PCDH12: variants seen among roughly 807,000 people sequenced by gnomAD.
PCDH12 encodes protocadherin-12.
PCDH12 carries 45 observed loss-of-function variants against 70.9 expected under a neutral mutation model. That is an observed-to-expected ratio of 0.63 (90% CI 0.50 to 0.81). The LOEUF is 0.81. PCDH12 is among the 40% of genes least tolerant of loss of function. The pLI, the probability that PCDH12 is intolerant of heterozygous loss-of-function variation, is 0.00. For missense variants in PCDH12, 1,370 were observed against 1,491.7 expected (o/e 0.92, Z 1.34); for synonymous variants, 567 against 626.0 (o/e 0.91, Z 1.41).
chr5:141,956,564 G>A lies in PCDH12; in HGVS notation c.1288C>T (p.Leu430=), dbSNP rs1753187810. 1.9e-6 allele frequency: 3 copies of A among 1,614,200 alleles called. No homozygotes were observed. The East Asian group carries it at 6.7e-5, about 36-fold the overall frequency. ...TGGAGTCCTTGGTCTTGGGCTAACA[G>A]AGTGAGGGTATATTTGGGCCACTGC... ...REQWPKYTLT[L]LAQDQGLQPL... is the part of the protein sequence containing the mutation. The change falls in exon 1 of 4, where the codon CTG becomes TTG. Residue 430 remains leucine, a synonymous_variant. Coordinates refer to ENST00000231484, the MANE Select transcript of PCDH12 (RefSeq NM_016580.4).
At chr5:141,950,301 C>T (rs1753053280) in intron 2 of PCDH12, among the ~76,000 whole-genome samples, 1 of 152,126 alleles carries the variant, frequency 6.6e-6, no homozygotes, top group African/African-American at 2.4e-5. Flanking sequence ...GGGAAGGCTA[C>T]CTGAGGGGTT....
At chr5:141,953,795 G>A (rs535598902) in intron 1 of PCDH12, among the ~76,000 whole-genome samples, 129 of 152,336 alleles carry the variant, frequency 8.5e-4, no homozygotes, top group African/African-American at 2.9e-3. Flanking sequence ...ATTCCTAAGA[G>A]AACAGCTGGG....
chr5:141,953,831 G>A (rs529639867), intron 1 of PCDH12, among the ~76,000 whole-genome samples: 54 of 152,362 alleles, frequency 3.5e-4, no homozygotes, highest in Middle Eastern at 3.4e-3. Context: ...TTCCTGAGGA[G>A]GGAATAGGGA....
Position 141,949,493 on chromosome 5 carries a change from C to T in PCDH12, c.3069G>A (p.Glu1023=), listed in dbSNP as rs1359512868. 3.1e-6 allele frequency: 5 copies of T among 1,614,040 alleles called. No homozygotes were observed. Among genetic ancestry groups the T allele is most frequent in the East Asian group, 2.2e-5 (1 of 44,876 alleles). Residue 1023 remains glutamate, a synonymous_variant, in exon 3 of 4, where the codon GAG becomes GAA. Transcript: ENST00000231484. ...CTAGCAGTTGCTTCACAGAGAGGTC[C>T]TCTTCAGGATCCAAAGGCCCTTCCT... ...EQEEGPLDPE[E]DLSVKQLLEE...
rs1263627400 is a variant in PCDH12, at chr5:141,956,268, C to T, written c.1584G>A (p.Met528Ile). ...CGATCACCTGGAACTCAAAGCCGGC[C>T]ATCTCTTCATAGTTCAGTGACCTCT... is the stretch of plus-strand genomic sequence containing the variant. Reference protein sequence around the residue: ...TAQRSLNYEEMAGFEFQVIAE... With the variant: ...TAQRSLNYEEIAGFEFQVIAE... The change falls in exon 1 of 4, where the codon ATG becomes ATA. Residue 528 changes from methionine to isoleucine, a missense_variant. By Grantham distance (10) the Met-to-Ile change is conservative. Transcript: ENST00000231484. 1.2e-6 allele frequency: 2 copies of T among 1,614,044 alleles called. No individual in the cohort carries two copies. Among genetic ancestry groups the T allele is most frequent in the African/African-American group, 2.7e-5 (2 of 74,908 alleles).
Position 141,949,507 on chromosome 5 carries a change from A to G in PCDH12, c.3055T>C (p.Leu1019=). The part of the protein sequence containing the change: ...QTDPEQEEGP[L]DPEEDLSVKQ... ...ACAGAGAGGTCCTCTTCAGGATCCA[A>G]AGGCCCTTCCTCCTGTTCTGGGTCT... The change falls in exon 3 of 4, where the codon TTG becomes CTG. Residue 1019 remains leucine, a synonymous_variant. Transcript: ENST00000231484. 6.2e-7 allele frequency: 1 copy of G among 1,614,126 alleles called. No individual in the cohort carries two copies. The highest frequency in any genetic ancestry group is 8.5e-7 in the Non-Finnish European group (1 of 1,180,018).
At position 141,957,702 on chromosome 5, in the gene PCDH12, GGACAGCTTCCC is replaced by G; in HGVS notation, c.139_149del (p.Gly47ProfsTer32). On this transcript the variant is annotated frameshift_variant, in exon 1 of 4. Transcript: ENST00000231484. LOFTEE classifies it high-confidence loss of function. The surrounding 1 kb of genome is among the most constrained non-coding windows in gnomAD (Gnocchi z 4.3). The stretch of plus-strand genomic sequence containing the variant: ...GCCTCTCCTCCCGGCCCAGTTCCTG[GGACAGCTTCCC>G]GATCACTGTACCAGATGGCACTTCC... 2 of 1,614,114 alleles carry G rather than the reference GGACAGCTTCCC, an allele frequency of 1.2e-6. No homozygotes were observed. The highest frequency in any genetic ancestry group is 1.7e-6 in the Non-Finnish European group (2 of 1,180,026).
intron 3 of PCDH12, among the ~76,000 whole-genome samples, chr5:141,949,111 C>T (rs932193501): frequency 5.3e-5 from 8 of 151,348 alleles, no homozygotes; most frequent in African/African-American, 1.9e-4. Flanking sequence ...GTAGTCCCAG[C>T]TACTTGGGAG....
In PCDH12 at chr5:141,945,508, C is replaced by G; in HGVS notation, c.3428G>C (p.Gly1143Ala). The part of the protein sequence containing the change: ...SEALRRLSVC[G>A]RTLSLDLATS... The stretch of plus-strand genomic sequence containing the variant: ...GGCCAAGTCTAAACTGAGGGTCCTC[C>G]CGCAGACCGAGAGCCGCCGCAGCGC... Residue 1143 changes from glycine (G) to alanine (A), a missense_variant, in exon 4 of 4, where the codon GGG becomes GCG. By Grantham distance (60) the Gly-to-Ala change is moderately conservative. Coordinates refer to ENST00000231484, the MANE Select transcript of PCDH12 (RefSeq NM_016580.4). 1 of 1,613,636 alleles carries G rather than the reference C, an allele frequency of 6.2e-7. No homozygotes were observed. Among genetic ancestry groups the G allele is most frequent in the Non-Finnish European group, 8.5e-7 (1 of 1,179,858 alleles).
chr5:141,956,974 T>A lies in PCDH12; in HGVS notation c.878A>T (p.Asp293Val). The A allele has an allele frequency of 1.9e-6, 3 of 1,614,162 alleles. No homozygotes were observed. Among genetic ancestry groups the A allele is most frequent in the Non-Finnish European group, 2.5e-6 (3 of 1,180,010 alleles). The change falls in exon 1 of 4, where the codon GAC becomes GTC. Residue 293 changes from aspartate to valine, a missense_variant. Transcript: ENST00000231484. ...TGTCTTGGCATCAATACTGAAGGTG[T>A]CCAGCACCTCTGGAGGCATGTGCTT... ...LSKHMPPEVL[D>V]TFSIDAKTGQ...
At position 141,945,412 on chromosome 5, in the gene PCDH12, C is replaced by T; in HGVS notation, c.3524G>A (p.Arg1175Lys). The part of the protein sequence containing the change: ...GGKTGTEGKS[R>K]GSSSSSRCL ...GCACCTGCTGCTGCTGCTGCTGCCT[C>T]TGCTCTTGCCCTCAGTCCCCGTCTT... The change falls in exon 4 of 4, where the codon AGA (arginine) becomes AAA (lysine). Residue 1175 changes from arginine (R) to lysine (K), a missense_variant. Coordinates refer to ENST00000231484, the MANE Select transcript of PCDH12 (RefSeq NM_016580.4). 6.2e-7 allele frequency: 1 copy of T among 1,613,524 alleles called. No homozygotes were observed. Among genetic ancestry groups the T allele is most frequent in the South Asian group, 1.1e-5 (1 of 91,066 alleles).
intron 3 of PCDH12, among the ~76,000 whole-genome samples, chr5:141,946,706 C>A (rs776160245): frequency 1.3e-5 from 2 of 152,156 alleles, no homozygotes; most frequent in Non-Finnish European, 1.5e-5. Context: ...GGGGTAGTGG[C>A]GGTGGCAAGT....
Position 141,955,614 on chromosome 5 carries a change from G to A in PCDH12, c.2238C>T (p.Asp746=), listed in dbSNP as rs374855332. 2 of 1,614,112 alleles carry A rather than the reference G, an allele frequency of 1.2e-6. No homozygotes were observed. The highest frequency in any genetic ancestry group is 1.7e-6 in the Non-Finnish European group (2 of 1,180,044). The change falls in exon 1 of 4, where the codon GAC becomes GAT. Residue 746 remains aspartate, a synonymous_variant. Transcript: ENST00000231484. This position sits in a 1 kb window ranked among gnomAD's most constrained non-coding sequence, Gnocchi z 5.5. ...CCTCCCGACAGTTGTAGGCCCTGTT[G>A]TCCTTCTTTTCTGTCCGGCAGATGG... ...FMSICRTEKK[D]NRAYNCREAE... is the part of the protein sequence containing the mutation.
intron 2 of PCDH12, 82 bp from the exon 3 acceptor site, chr5:141,949,665 A>G: frequency 6.6e-7 from 1 of 1,516,170 alleles, no homozygotes; most frequent in Non-Finnish European, 8.9e-7. Context: ...GTTTGCATTC[A>G]TTTACCCATA....
In PCDH12 at chr5:141,957,577, A is replaced by C; in HGVS notation, c.275T>G (p.Leu92Arg). Reference sequence around the variant, plus strand: ...CTGTCGGCACAGCTGCTCTCGATCCAGCCGCCTGCCTGTGCTGAGCAAGCC... The same window carrying C: ...CTGTCGGCACAGCTGCTCTCGATCCCGCCGCCTGCCTGTGCTGAGCAAGCC... ...EEGLLSTGRR[L>R]DREQLCRQWD... The change falls in exon 1 of 4, where the codon CTG (leucine) becomes CGG (arginine). Residue 92 changes from leucine to arginine, a missense_variant. Transcript: ENST00000231484. This position sits in a 1 kb window ranked among gnomAD's most constrained non-coding sequence, Gnocchi z 4.3. 6.2e-7 allele frequency: 1 copy of C among 1,614,222 alleles called. No individual in the cohort carries two copies. Among genetic ancestry groups the C allele is most frequent in the Non-Finnish European group, 8.5e-7 (1 of 1,180,046 alleles).
Position 141,956,147 on chromosome 5 carries a change from C to G in PCDH12, c.1705G>C (p.Val569Leu). Residue 569 changes from valine (V) to leucine (L), a missense_variant, in exon 1 of 4, where the codon GTG becomes CTG. Val to Leu is a conservative substitution (Grantham distance 32). Coordinates refer to ENST00000231484, the MANE Select transcript of PCDH12 (RefSeq NM_016580.4). The stretch of plus-strand genomic sequence containing the variant: ...AGGCTGGCTTTTCCATCGCTGAGCA[C>G]AGGCTGGACCACCTCTGGGGCATTA... ...NDNAPEVVQP[V>L]LSDGKASLSV... 6.2e-7 allele frequency: 1 copy of G among 1,614,184 alleles called. No homozygotes were observed. Among genetic ancestry groups the G allele is most frequent in the Non-Finnish European group, 8.5e-7 (1 of 1,180,042 alleles).
intron 1 of PCDH12, chr5:141,952,989 C>T (rs956482838): frequency 1.3e-5 from 2 of 152,176 alleles, no homozygotes; most frequent in African/African-American, 2.4e-5. Context: ...TTGGGAGACT[C>T]GGGGTCTTAT....
chr5:141,957,894 T>C lies in PCDH12; in HGVS notation c.-43A>G. ...CTAGATTCAGAAACCACTAGAGTTC[T>C]TTCAAGGCTGGACAAGTCCTCCAGT... is the stretch of plus-strand genomic sequence containing the variant. On this transcript the variant is annotated 5_prime_UTR_variant, in exon 1 of 4. Coordinates refer to ENST00000231484, the MANE Select transcript of PCDH12 (RefSeq NM_016580.4). The surrounding 1 kb of genome is among the most constrained non-coding windows in gnomAD (Gnocchi z 4.3). 1 of 1,564,584 alleles carries C rather than the reference T, an allele frequency of 6.4e-7. No individual in the cohort carries two copies. The highest frequency in any genetic ancestry group is 8.6e-7 in the Non-Finnish European group (1 of 1,161,066).
Position 141,957,826 on chromosome 5 carries a change from A to T in PCDH12, c.26T>A (p.Leu9Gln). The change falls in exon 1 of 4, where the codon CTG becomes CAG. Residue 9 changes from leucine (L) to glutamine (Q), a missense_variant. Coordinates refer to ENST00000231484, the MANE Select transcript of PCDH12 (RefSeq NM_016580.4). The surrounding 1 kb of genome is among the most constrained non-coding windows in gnomAD (Gnocchi z 4.3). Reference sequence around the variant, plus strand: ...GTAGCCACCTGGCCCCAAAAGCCCCAGCAGAAGTTGCAGAAGTTGCATCAT... The same window carrying T: ...GTAGCCACCTGGCCCCAAAAGCCCCTGCAGAAGTTGCAGAAGTTGCATCAT... The part of the protein sequence containing the change: MMQLLQLL[L>Q]GLLGPGGYLF... 1 of 1,600,562 alleles carries T rather than the reference A, an allele frequency of 6.2e-7. No individual in the cohort carries two copies.
Sources: allele counts gnomAD v4.1 joint callset (sites outside exome capture counted in the v4.1 genomes callset), GRCh38; gene constraint gnomAD v4.1.1; non-coding constraint Gnocchi (gnomAD v3.1); transcripts MANE v1.5; gene names NCBI Gene and HGNC (gene_info 2026-07-23, HGNC 2026-07-21).